The following ZMIZ1 variants were observed in gnomAD, a reference collection of about 807,000 sequenced individuals.
ZMIZ1 encodes the protein zinc finger MIZ-type containing 1, also known as zinc finger MIZ domain-containing protein 1.
ZMIZ1 carries 17 observed loss-of-function variants against 113.9 expected under a neutral mutation model. The observed-to-expected ratio is 0.15, with a 90% confidence interval of 0.10 to 0.22. The LOEUF (loss-of-function observed/expected upper bound fraction) is 0.22. ZMIZ1 is among the 10% of genes least tolerant of loss of function. The pLI is 1.00. For missense variants in ZMIZ1, 1,059 were observed against 1,477.8 expected, an observed-to-expected ratio of 0.72 and a Z score of 4.65; for synonymous variants, 607 against 603.1, an observed-to-expected ratio of 1.01 and a Z score of -0.09.
chr10:79,157,560 C>T (rs1845949868), intron 3 of ZMIZ1, among the ~76,000 whole-genome samples: 2 of 152,134 alleles, frequency 1.3e-5, no homozygotes, highest in South Asian at 4.1e-4. Flanking sequence ...TCCAGAGCAC[C>T]CTGGAGCCTC....
At chr10:79,276,929 C>A (rs1272010887) in intron 7 of ZMIZ1, among the ~76,000 whole-genome samples, 1 of 152,164 alleles carries the variant, frequency 6.6e-6, no homozygotes, top group Non-Finnish European at 1.5e-5. Flanking sequence ...ACCACTACTT[C>A]CTGCACGCGG....
chr10:79,275,085 G>T (rs1223763893), intron 7 of ZMIZ1, among the ~76,000 whole-genome samples: 1 of 152,256 alleles, frequency 6.6e-6, no homozygotes, highest in African/African-American at 2.4e-5. Context: ...CAGATGCCCA[G>T]TGCCCCCGCA....
Position 79,306,294 on chromosome 10 carries a change from C to G in ZMIZ1, c.2618C>G (p.Pro873Arg). 6.2e-7 allele frequency: 1 copy of G among 1,613,600 alleles called. No homozygotes were observed. Among genetic ancestry groups the G allele is most frequent in the Non-Finnish European group, 8.5e-7 (1 of 1,180,022 alleles). Residue 873 changes from proline (P) to arginine (R), a missense_variant, in exon 22 of 25, where the codon CCC (proline) becomes CGC (arginine). Around this residue, in one of 6 missense-constraint regions of ZMIZ1, gnomAD observed 225 missense variants for 276.0 expected, o/e 0.82. Transcript: ENST00000334512. Reference sequence around the variant, plus strand: ...CTGGGCCCCGGCCCGTCCCCCTATCCCCTCCCGCCTCCCCCAGGGGGCACC... The same window carrying G: ...CTGGGCCCCGGCCCGTCCCCCTATCGCCTCCCGCCTCCCCCAGGGGGCACC... ...AALGPGPSPYPLPPPPGGTNS... is the reference protein window; with the variant it reads ...AALGPGPSPYRLPPPPGGTNS...
At chr10:79,094,210 G>T (rs577104853) in intron 1 of ZMIZ1, among the ~76,000 whole-genome samples, 3 of 152,184 alleles carry the variant, frequency 2.0e-5, no homozygotes, top group Admixed American at 2.0e-4. Flanking sequence ...AAGCGAGCCG[G>T]GTGAGTCCGG....
At chr10:79,167,483 C>T (rs1248193240) in intron 4 of ZMIZ1, among the ~76,000 whole-genome samples, 2 of 152,106 alleles carry the variant, frequency 1.3e-5, no homozygotes, top group African/African-American at 2.4e-5. Context: ...CCACTGCTGT[C>T]CTGCAGGACA....
chr10:79,227,633 A>G (rs1388109503), intron 7 of ZMIZ1, among the ~76,000 whole-genome samples: 1 of 152,234 alleles, frequency 6.6e-6, no homozygotes, highest in Non-Finnish European at 1.5e-5. Context: ...CATGCTGTAT[A>G]TGCGTGAGAA....
At chr10:79,270,196 TC>T (rs1458350063) in intron 7 of ZMIZ1, among the ~76,000 whole-genome samples, 1 of 152,158 alleles carries the variant, frequency 6.6e-6, no homozygotes, top group African/African-American at 2.4e-5. Context: ...TTTCATTTTT[TC>T]CCCCTAACGG....
chr10:79,240,712 C>T lies in ZMIZ1; in HGVS notation c.280+24438C>T, dbSNP rs567001780. Among the ~76,000 whole-genome samples, 72 of 120,354 alleles carry T rather than the reference C, an allele frequency of 6.0e-4. 1 individual carries two copies. In the Middle Eastern group the frequency reaches 0.022, roughly 36 times the overall value. 79.0% of individuals were successfully genotyped at this position (120,354 alleles called of 152,430 possible). On this transcript the variant is annotated intron_variant, in intron 7 of 24. Transcript: ENST00000334512. ...AATCTCTGGTCTCAAGCCGGAGGAG[C>T]GTATATTAATTCTCTTCTCCAGCCC...
At chr10:79,130,537 C>T (rs1378566221) in intron 2 of ZMIZ1, among the ~76,000 whole-genome samples, 1 of 152,182 alleles carries the variant, frequency 6.6e-6, no homozygotes, top group Non-Finnish European at 1.5e-5. Flanking sequence ...CAGTGGATCT[C>T]ATGCCCCAGC....
intron 3 of ZMIZ1, among the ~76,000 whole-genome samples, chr10:79,150,747 T>C (rs763683945): frequency 1.8e-4 from 27 of 152,102 alleles, no homozygotes; most frequent in Admixed American, 3.3e-4. Flanking sequence ...AACCTCCCCA[T>C]CCACCCCTGT....
At chr10:79,252,010 G>A (rs1230120137) in intron 7 of ZMIZ1, among the ~76,000 whole-genome samples, 1 of 152,188 alleles carries the variant, frequency 6.6e-6, no homozygotes, top group East Asian at 1.9e-4. Context: ...GGGAGTAAGG[G>A]CCGAGCACTT....
chr10:79,314,054 GCTGCCAGCCTACC>G lies in ZMIZ1; in HGVS notation c.*1311_*1323del, dbSNP rs1855378593. 2.2e-6 allele frequency: 1 copy of G among 456,730 alleles called. No individual in the cohort carries two copies. The highest frequency in any genetic ancestry group is 2.0e-5 in the African/African-American group (1 of 50,076). 28.3% of individuals were successfully genotyped at this position (456,730 alleles called of 1,614,324 possible). A position where few individuals can be genotyped will look rare whatever the true frequency, so the allele number is the denominator to read the frequency against. ...GGGCCTGCCCCAGACACTGCCCTTGGCTGCCAGCCTACCCTGCCTGCACTCCTCCACCATCACA... is the reference window on the plus strand; with the variant it reads ...GGGCCTGCCCCAGACACTGCCCTTGGCTGCCTGCACTCCTCCACCATCACA... On this transcript the variant is annotated 3_prime_UTR_variant, in exon 25 of 25. Transcript: ENST00000334512.
chr10:79,163,533 C>T (rs1846197852), intron 4 of ZMIZ1, among the ~76,000 whole-genome samples: 1 of 152,236 alleles, frequency 6.6e-6, no homozygotes, highest in Non-Finnish European at 1.5e-5. Flanking sequence ...TCCTTTAATA[C>T]CTTTTTACCC....
At chr10:79,242,257 A>C (rs940337861) in intron 7 of ZMIZ1, among the ~76,000 whole-genome samples, 8 of 152,072 alleles carry the variant, frequency 5.3e-5, no homozygotes, top group Non-Finnish European at 1.0e-4. Context: ...ACAGGATGCA[A>C]TGTCAGGAAG....
intron 1 of ZMIZ1, among the ~76,000 whole-genome samples, chr10:79,115,460 T>C (rs1843978516): frequency 6.6e-6 from 1 of 152,196 alleles, no homozygotes; most frequent in Non-Finnish European, 1.5e-5. Flanking sequence ...CTGTCTGTAG[T>C]GTGTGAGGTG....
At chr10:79,128,164 G>T (rs988603427) in intron 2 of ZMIZ1, among the ~76,000 whole-genome samples, 1 of 152,092 alleles carries the variant, frequency 6.6e-6, no homozygotes, top group African/African-American at 2.4e-5. Context: ...TTTCTCCCTG[G>T]GTGCAGTACC....
intron 2 of ZMIZ1, among the ~76,000 whole-genome samples, chr10:79,132,736 T>A (rs1022261240): frequency 3.3e-5 from 5 of 152,160 alleles, no homozygotes; most frequent in Non-Finnish European, 5.9e-5. Flanking sequence ...CAGCCAGTGT[T>A]CTCTCCCCTC....
At chr10:79,117,971 T>C (rs576575483) in intron 1 of ZMIZ1, among the ~76,000 whole-genome samples, 18 of 152,284 alleles carry the variant, frequency 1.2e-4, no homozygotes, top group African/African-American at 3.9e-4. Flanking sequence ...CTGCCTTTCA[T>C]GGTTGACCTG....
chr10:79,273,702 C>T (rs1187387077), intron 7 of ZMIZ1, among the ~76,000 whole-genome samples: 5 of 152,246 alleles, frequency 3.3e-5, no homozygotes, highest in Non-Finnish European at 7.3e-5. Flanking sequence ...CCCATGTTGA[C>T]ACCCCAGATT....
Sources: allele counts gnomAD v4.1 joint callset (sites outside exome capture counted in the v4.1 genomes callset), GRCh38; gene constraint gnomAD v4.1.1; regional missense constraint gnomAD v4.1.1; transcripts MANE v1.5; gene names NCBI Gene and HGNC (gene_info 2026-07-23, HGNC 2026-07-21).